The following KIRREL3 variants were observed in gnomAD, a reference collection of about 807,000 sequenced individuals.
KIRREL3 encodes kin of IRRE-like protein 3.
In KIRREL3, 36 loss-of-function variants were observed where a neutral mutation model predicts 89.7. The ratio of observed to expected loss-of-function variants is 0.40; its 90% confidence interval spans 0.31 to 0.53. KIRREL3 has a LOEUF of 0.53. KIRREL3 is among the 20% of genes least tolerant of loss of function. KIRREL3 has a pLI of 0.49. For missense variants in KIRREL3, 864 were observed against 1,056.6 expected, an observed-to-expected ratio of 0.82 and a Z score of 2.53; for synonymous variants, 445 against 441.4, an observed-to-expected ratio of 1.01 and a Z score of -0.10.
chr11:126,595,615 G>A (rs1186942102), intron 1 of KIRREL3, among the ~76,000 whole-genome samples: 1 of 152,230 alleles, frequency 6.6e-6, no homozygotes, highest in Non-Finnish European at 1.5e-5. Flanking sequence ...CTATGACTCA[G>A]GACTGTGTCC....
intron 1 of KIRREL3, among the ~76,000 whole-genome samples, chr11:126,785,094 A>T (rs1950445708): frequency 1.3e-5 from 2 of 152,240 alleles, no homozygotes; most frequent in Admixed American, 1.3e-4. Flanking sequence ...GTAGGGGAGA[A>T]TCTTATACTA....
intron 4 of KIRREL3, among the ~76,000 whole-genome samples, chr11:126,479,692 T>G (rs1453265424): frequency 6.6e-6 from 1 of 152,200 alleles, no homozygotes; most frequent in African/African-American, 2.4e-5. Context: ...CCTTGATCCC[T>G]TCACAGGCTG....
At chr11:126,554,037 C>G (rs1939495696) in intron 2 of KIRREL3, among the ~76,000 whole-genome samples, 1 of 152,086 alleles carries the variant, frequency 6.6e-6, no homozygotes, top group African/African-American at 2.4e-5. Context: ...TGATCGAATC[C>G]AGCAGCACCT....
intron 1 of KIRREL3, among the ~76,000 whole-genome samples, chr11:126,588,838 C>T (rs2134697281): frequency 6.6e-6 from 1 of 152,228 alleles, no homozygotes; most frequent in East Asian, 1.9e-4. Context: ...ATGAGTAGGG[C>T]TGGAATTCTG....
At position 126,764,680 on chromosome 11, in the gene KIRREL3, C is replaced by T. The variant is rs1161172738; in HGVS notation, c.56-201768G>A. ...ATGCACACGTGGGCACGTGCAAACTCTCTCAGTGTAGGCTCTGAATGCTGC... is the reference window on the plus strand; with the variant it reads ...ATGCACACGTGGGCACGTGCAAACTTTCTCAGTGTAGGCTCTGAATGCTGC... On this transcript the variant is annotated intron_variant, in intron 1 of 16. Coordinates refer to ENST00000525144, the MANE Select transcript of KIRREL3 (RefSeq NM_032531.4). The surrounding 1 kb of genome is among the most constrained non-coding windows in gnomAD (Gnocchi z 4.2). Among the ~76,000 whole-genome samples, 4 of 152,218 alleles carry T rather than the reference C, an allele frequency of 2.6e-5. No individual in the cohort carries two copies. The highest frequency in any genetic ancestry group is 9.6e-5 in the African/African-American group (4 of 41,454).
At chr11:126,663,603 C>T (rs917383998) in intron 1 of KIRREL3, among the ~76,000 whole-genome samples, 1 of 152,206 alleles carries the variant, frequency 6.6e-6, no homozygotes, top group East Asian at 1.9e-4. Context: ...GCGTATGCTT[C>T]TGTGCTTTCC....
At position 126,455,450 on chromosome 11, in the gene KIRREL3, C is replaced by T. The variant is rs1285729511; in HGVS notation, c.848+899G>A. ...ATCAGTGACTAAATTGCAGTTCCTG[C>T]CTTCAAGAAGCTCTGTCACAAGGCA... On this transcript the variant is annotated intron_variant, in intron 7 of 16. Coordinates refer to ENST00000525144, the MANE Select transcript of KIRREL3 (RefSeq NM_032531.4). The surrounding 1 kb of genome is among the most constrained non-coding windows in gnomAD (Gnocchi z 6.4). 2.0e-5 allele frequency among the ~76,000 whole-genome samples: 3 copies of T among 152,150 alleles called. No homozygotes were observed. The highest frequency in any genetic ancestry group is 7.2e-5 in the African/African-American group (3 of 41,422).
In KIRREL3 at chr11:126,528,423, C is replaced by T. The variant is rs1167502658; in HGVS notation, c.134-1736G>A. The stretch of plus-strand genomic sequence containing the variant: ...ATGGCAGCAGAGCTTGGGGTGGAGG[C>T]TCCCCAGAAGGAGGGGTGCAGATTC... On this transcript the variant is annotated intron_variant, in intron 2 of 16. Transcript: ENST00000525144. The surrounding 1 kb of genome is among the most constrained non-coding windows in gnomAD (Gnocchi z 4.6). 2.6e-5 allele frequency among the ~76,000 whole-genome samples: 4 copies of T among 152,164 alleles called. No homozygotes were observed. Among genetic ancestry groups the T allele is most frequent in the African/African-American group, 4.8e-5 (2 of 41,450 alleles).
At chr11:126,738,332 C>T (rs1054393769) in intron 1 of KIRREL3, among the ~76,000 whole-genome samples, 7 of 152,212 alleles carry the variant, frequency 4.6e-5, no homozygotes, top group Admixed American at 1.3e-4. Flanking sequence ...AGCAGGTGAG[C>T]GCTCTCTTGC....
intron 4 of KIRREL3, among the ~76,000 whole-genome samples, chr11:126,478,871 T>A (rs1442765672): frequency 6.6e-6 from 1 of 152,102 alleles, no homozygotes; most frequent in Admixed American, 6.5e-5. Context: ...CAGGAGCCCT[T>A]CTGAGGCCAG....
intron 2 of KIRREL3, among the ~76,000 whole-genome samples, chr11:126,543,133 A>C (rs1258020122): frequency 6.6e-6 from 1 of 151,946 alleles, no homozygotes; most frequent in Admixed American, 6.6e-5. Context: ...TCACCCCCCA[A>C]ACAGAGGCCC....
At chr11:126,631,132 C>A (rs530089885) in intron 1 of KIRREL3, among the ~76,000 whole-genome samples, 28 of 137,606 alleles carry the variant, frequency 2.0e-4, no homozygotes, top group Non-Finnish European at 3.3e-4. Context: ...TGTATTCATT[C>A]ATTCATTCAT....
At chr11:126,866,745 C>T (rs113742827) in intron 1 of KIRREL3, among the ~76,000 whole-genome samples, 1 of 152,204 alleles carries the variant, frequency 6.6e-6, no homozygotes, top group Non-Finnish European at 1.5e-5. Flanking sequence ...GCTGGCAGGC[C>T]ATCAACGGCA....
intron 1 of KIRREL3, among the ~76,000 whole-genome samples, chr11:126,854,753 T>C (rs1435595045): frequency 6.6e-6 from 1 of 152,230 alleles, no homozygotes; most frequent in East Asian, 1.9e-4. Flanking sequence ...GTCGAATTTC[T>C]GGTTCATATG....
intron 1 of KIRREL3, among the ~76,000 whole-genome samples, chr11:126,661,085 C>G (rs1484566108): frequency 6.6e-6 from 1 of 152,162 alleles, no homozygotes; most frequent in Non-Finnish European, 1.5e-5. Context: ...CCAAATAGAT[C>G]TTAAAACCAA....
At chr11:126,435,134 C>T in intron 13 of KIRREL3, 134 bp downstream of exon 13, 3 of 932,906 alleles carry the variant, frequency 3.2e-6, no homozygotes, top group East Asian at 2.5e-5. Context: ...CTACACTAAA[C>T]CCTCAGGACG....
chr11:126,710,675 C>T lies in KIRREL3; in HGVS notation c.56-147763G>A, dbSNP rs1166415063. Among the ~76,000 whole-genome samples, 1 of 151,956 alleles carries T rather than the reference C, an allele frequency of 6.6e-6. No homozygotes were observed. The highest frequency in any genetic ancestry group is 1.5e-5 in the Non-Finnish European group (1 of 68,012). On this transcript the variant is annotated intron_variant, in intron 1 of 16. Coordinates refer to ENST00000525144, the MANE Select transcript of KIRREL3 (RefSeq NM_032531.4). The surrounding 1 kb of genome is among the most constrained non-coding windows in gnomAD (Gnocchi z 4.2). ...ACTTGGACTCAGAGTCCCTGGTGCC[C>T]CGAAGGAAAGCAAATCAGCCTCACT... is the stretch of plus-strand genomic sequence containing the variant.
At position 126,985,938 on chromosome 11, in the gene KIRREL3, A is replaced by G. The variant is rs2135261552; in HGVS notation, c.55+14517T>C. On this transcript the variant is annotated intron_variant, in intron 1 of 16. Coordinates refer to ENST00000525144, the MANE Select transcript of KIRREL3 (RefSeq NM_032531.4). The surrounding 1 kb of genome is among the most constrained non-coding windows in gnomAD (Gnocchi z 5.3). ...TTTCTGGACACTATATAGCCTAGTG[A>G]TCTCCTGAAGCCTAAAATGAGTATC... is the stretch of plus-strand genomic sequence containing the variant. Among the ~76,000 whole-genome samples, 1 of 152,216 alleles carries G rather than the reference A, an allele frequency of 6.6e-6. No individual in the cohort carries two copies. The highest frequency in any genetic ancestry group is 1.5e-5 in the Non-Finnish European group (1 of 68,004).
intron 1 of KIRREL3, among the ~76,000 whole-genome samples, chr11:126,618,672 T>A (rs1016605219): frequency 6.6e-6 from 1 of 152,238 alleles, no homozygotes. Context: ...TGACCTCAGG[T>A]GATCCACCTG....
Sources: allele counts gnomAD v4.1 joint callset (sites outside exome capture counted in the v4.1 genomes callset), GRCh38; gene constraint gnomAD v4.1.1; non-coding constraint Gnocchi (gnomAD v3.1); transcripts MANE v1.5; gene names NCBI Gene and HGNC (gene_info 2026-07-23, HGNC 2026-07-21).